The following NOTCH1 variants were observed in gnomAD, a reference collection of about 807,000 sequenced individuals.
The protein encoded by NOTCH1 is neurogenic locus notch homolog protein 1.
A neutral mutation model predicts 254.8 loss-of-function variants in NOTCH1; 37 were observed. The ratio of observed to expected loss-of-function variants is 0.15; its 90% confidence interval spans 0.11 to 0.19. The LOEUF is 0.19. NOTCH1 is among the 10% of genes least tolerant of loss of function. NOTCH1 has a pLI of 1.00. For synonymous variants in NOTCH1, 1,731 were observed against 1,618.1 expected (o/e 1.07, Z -1.68); for missense variants, 2,972 against 3,708.6 (o/e 0.80, Z 5.16).
chr9:136,543,355 AGGCATCACCCACCCAGGAGGT>A (rs1332739429), intron 2 of NOTCH1: 1 of 238,336 alleles, frequency 4.2e-6, no homozygotes, highest in Non-Finnish European at 8.5e-6. Context: ...CACCCAGAGG[AGGCATCACCCACCCAGGAGGT>A]GGCATCACCC....
chr9:136,537,788 C>T (rs1843677391), intron 2 of NOTCH1, among the ~76,000 whole-genome samples: 1 of 152,026 alleles, frequency 6.6e-6, no homozygotes, highest in African/African-American at 2.4e-5. Context: ...AGGGTGAGAC[C>T]CCATCTCAAA....
In NOTCH1 at chr9:136,540,431, A is replaced by T. The variant is rs1190128290; in HGVS notation, c.140+3593T>A. ...CCCCAGGCAGTGCCAGGCCCAGCCC[A>T]CCAGGCAGCACCTTTAGGATTCTCT... is the stretch of plus-strand genomic sequence containing the variant. On this transcript the variant is annotated intron_variant, in intron 2 of 33. Coordinates refer to ENST00000651671, the MANE Select transcript of NOTCH1 (RefSeq NM_017617.5). The surrounding 1 kb of genome is among the most constrained non-coding windows in gnomAD (Gnocchi z 4.4). Among the ~76,000 whole-genome samples, 1 of 152,210 alleles carries T rather than the reference A, an allele frequency of 6.6e-6. No individual in the cohort carries two copies. The highest frequency in any genetic ancestry group is 1.5e-5 in the Non-Finnish European group (1 of 68,028).
At chr9:136,501,560 T>C (rs1842995641) in intron 30 of NOTCH1, among the ~76,000 whole-genome samples, 188 bp downstream of exon 30, 1 of 151,906 alleles carries the variant, frequency 6.6e-6, no homozygotes. Context: ...AGGAAGGGGT[T>C]GGTGGAAGAA....
chr9:136,512,689 T>G (rs1843199971), intron 15 of NOTCH1, among the ~76,000 whole-genome samples: 1 of 152,222 alleles, frequency 6.6e-6, no homozygotes, highest in Admixed American at 6.5e-5. Context: ...CACCTGCATC[T>G]TACCTGTGTC....
rs559403480 is a variant in NOTCH1 at position 136,517,839 on chromosome 9, C to T, written c.1354G>A (p.Asp452Asn). The change falls in exon 8 of 34, where the codon GAC becomes AAC. Residue 452 changes from aspartate to asparagine, a missense_variant. Physicochemically the swap from Asp to Asn is conservative, Grantham distance 23. Around this residue, in one of 8 missense-constraint regions of NOTCH1, gnomAD observed 90 missense variants for 183.6 expected, o/e 0.49. Transcript: ENST00000651671. Reference protein sequence around the residue: ...QGYTGPRCEIDVNECVSNPCQ... With the variant: ...QGYTGPRCEINVNECVSNPCQ... ...GGGTTCGAGACGCACTCGTTGACGT[C>T]GATCTCGCATCGGGGGCCCGTGTAG... 2 of 1,612,706 alleles carry T rather than the reference C, an allele frequency of 1.2e-6. No homozygotes were observed. The highest frequency in any genetic ancestry group is 1.7e-6 in the Non-Finnish European group (2 of 1,179,938).
chr9:136,509,994 C>T (rs2133351628), intron 17 of NOTCH1, 33 bp from the exon 18 acceptor site: 3 of 1,589,772 alleles, frequency 1.9e-6, no homozygotes, highest in Non-Finnish European at 2.6e-6. Flanking sequence ...GTGTGAGGGG[C>T]AGGCACAAAC....
chr9:136,534,014 G>C (rs1843603340), intron 2 of NOTCH1, among the ~76,000 whole-genome samples: 1 of 152,248 alleles, frequency 6.6e-6, no homozygotes, highest in Admixed American at 6.5e-5. Context: ...AGGGCAGGAA[G>C]CTGGGAGCCA....
At chr9:136,498,616 G>A (rs1160397107) in intron 33 of NOTCH1, among the ~76,000 whole-genome samples, 2 of 152,172 alleles carry the variant, frequency 1.3e-5, no homozygotes, top group Non-Finnish European at 2.9e-5. Context: ...TGTGTGCCCC[G>A]CCATGACTGC....
At position 136,497,581 on chromosome 9, in the gene NOTCH1, G is replaced by A. The variant is rs367957637; in HGVS notation, c.6181-23C>T. The A allele has an allele frequency of 4.5e-5, 69 of 1,548,416 alleles. 1 individual carries two copies. Among genetic ancestry groups the A allele is most frequent in the African/African-American group, 2.4e-4 (18 of 73,990 alleles). On this transcript the variant is annotated intron_variant, in intron 33 of 33. Coordinates refer to ENST00000651671, the MANE Select transcript of NOTCH1 (RefSeq NM_017617.5). ...CTCCTGGGGGATGAGGGCGGGGGCCGGTGAGGGGGGCCAGGCCAGGCGTGG... is the reference window on the plus strand; with the variant it reads ...CTCCTGGGGGATGAGGGCGGGGGCCAGTGAGGGGGGCCAGGCCAGGCGTGG...
chr9:136,524,918 A>G (rs943462951), intron 2 of NOTCH1, among the ~76,000 whole-genome samples: 8 of 152,022 alleles, frequency 5.3e-5, no homozygotes, highest in East Asian at 1.9e-4. Flanking sequence ...TTACAGGCGT[A>G]AGCCACCGCG....
Position 136,515,987 on chromosome 9 carries a change from T to G in NOTCH1, c.1663A>C (p.Thr555Pro). 5 of 1,610,246 alleles carry G rather than the reference T, an allele frequency of 3.1e-6. No individual in the cohort carries two copies. The highest frequency in any genetic ancestry group is 4.2e-6 in the Non-Finnish European group (5 of 1,179,084). Reference sequence around the variant, plus strand: ...GGTGGGCGCCAGCCCGCACCTTCCGTGCACACACAGGTGTAAGTGTTGGGT... The same window carrying G: ...GGTGGGCGCCAGCCCGCACCTTCCGGGCACACACAGGTGTAAGTGTTGGGT... ...DGPNTYTCVC[T>P]EGYTGTHCEV... The change falls in exon 10 of 34, where the codon ACG (threonine) becomes CCG (proline). Residue 555 changes from threonine (T) to proline (P), a missense_variant. Physicochemically the swap from Thr to Pro is conservative, Grantham distance 38. Coordinates refer to ENST00000651671, the MANE Select transcript of NOTCH1 (RefSeq NM_017617.5).
At position 136,496,768 on chromosome 9, in the gene NOTCH1, T is replaced by C; in HGVS notation, c.6971A>G (p.Asn2324Ser). 6.2e-7 allele frequency: 1 copy of C among 1,612,614 alleles called. No homozygotes were observed. Among genetic ancestry groups the C allele is most frequent in the Non-Finnish European group, 8.5e-7 (1 of 1,179,912 alleles). Reference protein sequence around the residue: ...LQSGMVPNQYNPLRGSVAPGP... With the variant: ...LQSGMVPNQYSPLRGSVAPGP... ...TGGTGCCACACTCCCCCGCAGAGGG[T>C]TGTATTGGTTCGGCACCATGCCGCT... The change falls in exon 34 of 34, where the codon AAC becomes AGC. Residue 2324 changes from asparagine (N) to serine (S), a missense_variant. Around this residue, in one of 8 missense-constraint regions of NOTCH1, gnomAD observed 529 missense variants for 529.2 expected, o/e 1.00. Coordinates refer to ENST00000651671, the MANE Select transcript of NOTCH1 (RefSeq NM_017617.5).
chr9:136,505,163 C>A (rs544474399), intron 25 of NOTCH1, 59 bp from the exon 26 acceptor site: 26 of 1,561,020 alleles, frequency 1.7e-5, no homozygotes, highest in Non-Finnish European at 2.2e-5. Context: ...ACCCGCCGTC[C>A]GGTGCCTCCA....
chr9:136,505,344 C>T lies in NOTCH1; in HGVS notation c.4552G>A (p.Gly1518Ser), dbSNP rs760875144. The T allele has an allele frequency of 5.6e-6, 9 of 1,599,462 alleles. No homozygotes were observed. Among genetic ancestry groups the T allele is most frequent in the Non-Finnish European group, 6.8e-6 (8 of 1,173,540 alleles). Residue 1518 changes from glycine to serine, a missense_variant, in exon 25 of 34, where the codon GGC becomes AGC. Transcript: ENST00000651671. Reference protein sequence around the residue: ...QCNSAGCLFDGFDCQRAEGQC... With the variant: ...QCNSAGCLFDSFDCQRAEGQC... ...CCTTCCGCACGCTGGCAGTCAAAGC[C>T]GTCGAAGAGGCAGCCGGCTGAGTTG...
rs551008285 is a variant in NOTCH1 at position 136,530,907 on chromosome 9, G to GC, written c.141-6929dup. 1.9e-3 allele frequency among the ~76,000 whole-genome samples: 282 copies of GC among 152,322 alleles called. 3 individuals carry two copies. Among genetic ancestry groups the GC allele is most frequent in the African/African-American group, 6.3e-3 (263 of 41,578 alleles). ...AACCACACTCCATGAATGAAGTCGGGCATCACAGGCTGCGCTCCGGGCCAG... is the reference window on the plus strand; with the variant it reads ...AACCACACTCCATGAATGAAGTCGGGCCATCACAGGCTGCGCTCCGGGCCAG... On this transcript the variant is annotated intron_variant, in intron 2 of 33. Coordinates refer to ENST00000651671, the MANE Select transcript of NOTCH1 (RefSeq NM_017617.5).
At chr9:136,514,868 C>T (rs1041884261) in intron 12 of NOTCH1, among the ~76,000 whole-genome samples, 166 bp from the exon 13 acceptor site, 9 of 152,188 alleles carry the variant, frequency 5.9e-5, no homozygotes, top group Admixed American at 1.3e-4. Context: ...CCAGCCTCCC[C>T]GGGCACCAGT....
Position 136,515,416 on chromosome 9 carries a change from G to C in NOTCH1, c.1904-16C>G, listed in dbSNP as rs775848413. ...CAGTTGGGTCCTGAAGGGGTGGCAC[G>C]TGTCGGTCAGTCCTCAGGCCCGCCC... On this transcript the variant is annotated splice_polypyrimidine_tract_variant and intron_variant, in intron 11 of 33. Transcript: ENST00000651671. 3.1e-6 allele frequency: 5 copies of C among 1,612,596 alleles called. No individual in the cohort carries two copies. In the Admixed American group the frequency reaches 6.7e-5, roughly 21 times the overall value.
rs1303388817 is a variant in NOTCH1 at position 136,540,697 on chromosome 9, G to A, written c.140+3327C>T. ...GGTCACAGAGCTAGTGGCCAGGCCA[G>A]GCCTCAGACACGAGGTTGTCCAAAG... On this transcript the variant is annotated intron_variant, in intron 2 of 33. Coordinates refer to ENST00000651671, the MANE Select transcript of NOTCH1 (RefSeq NM_017617.5). The surrounding 1 kb of genome is among the most constrained non-coding windows in gnomAD (Gnocchi z 4.4). Among the ~76,000 whole-genome samples, 1 of 152,068 alleles carries A rather than the reference G, an allele frequency of 6.6e-6. No individual in the cohort carries two copies. Among genetic ancestry groups the A allele is most frequent in the East Asian group, 1.9e-4 (1 of 5,184 alleles).
Position 136,495,289 on chromosome 9 carries a change from G to T in NOTCH1, c.*782C>A. ...ACGGGCAGGGGGCCGGGGTGGTTCT[G>T]GAGGGACCAAGAACTTGTATAACCA... On this transcript the variant is annotated 3_prime_UTR_variant, in exon 34 of 34. Coordinates refer to ENST00000651671, the MANE Select transcript of NOTCH1 (RefSeq NM_017617.5). The T allele has an allele frequency of 2.5e-6, 1 of 399,020 alleles. No individual in the cohort carries two copies. Among genetic ancestry groups the T allele is most frequent in the South Asian group, 1.3e-4 (1 of 7,852 alleles). 24.7% of individuals were successfully genotyped at this position (399,020 alleles called of 1,614,324 possible). A position where few individuals can be genotyped will look rare whatever the true frequency, so the allele number is the denominator to read the frequency against.
Sources: gnomAD v4.1 joint callset for allele counts (sites outside exome capture counted in the v4.1 genomes callset) on GRCh38, gnomAD v4.1.1 for gene constraint, gnomAD v4.1.1 regional missense constraint, Gnocchi (gnomAD v3.1) non-coding constraint, MANE v1.5 for transcripts, NCBI Gene and HGNC (gene_info 2026-07-23, HGNC 2026-07-21) for gene names.